DNAH8: variants seen among roughly 807,000 people sequenced by gnomAD.
DNAH8 encodes the protein axonemal beta dynein heavy chain 8.
DNAH8 carries 382 observed loss-of-function variants against 562.1 expected under a neutral mutation model. The ratio of observed to expected loss-of-function variants is 0.68; its 90% CI spans 0.63 to 0.74. The LOEUF (loss-of-function observed/expected upper bound fraction) is 0.74, where lower values mean the gene tolerates loss of function less well. Among genes scored for constraint, DNAH8 ranks in the 30% least tolerant of loss-of-function variants. The pLI is 0.00. For missense variants in DNAH8, 5,203 were observed against 5,620.4 expected, an observed-to-expected ratio of 0.93 and a Z score of 2.37; for synonymous variants, 1,881 against 1,919.4, an observed-to-expected ratio of 0.98 and a Z score of 0.52.
Position 38,886,039 on chromosome 6 carries a change from C to A in DNAH8, c.8260-752C>A, listed in dbSNP as rs140034394. ...CTTGTGTGATATGCACTAAGAGATGCTCAATAGAGACTTGAATATACAGGT... is the reference window on the plus strand; with the variant it reads ...CTTGTGTGATATGCACTAAGAGATGATCAATAGAGACTTGAATATACAGGT... On this transcript the variant is annotated intron_variant, in intron 56 of 92. Coordinates refer to ENST00000327475, the MANE Select transcript of DNAH8 (RefSeq NM_001206927.2). Among the ~76,000 whole-genome samples, 251 of 152,192 alleles carry A rather than the reference C, an allele frequency of 1.6e-3. 1 individual carries two copies. Among genetic ancestry groups the A allele is most frequent in the Admixed American group, 0.012 (183 of 15,296 alleles).
chr6:38,971,871 A>G, intron 83 of DNAH8: 1 of 391,434 alleles, frequency 2.6e-6, no homozygotes, highest in Non-Finnish European at 4.5e-6. Context: ...GCTCCATTTT[A>G]CCTTCACCAA....
intron 82 of DNAH8, among the ~76,000 whole-genome samples, chr6:38,956,362 A>T (rs1340328685): frequency 6.6e-6 from 1 of 152,172 alleles, no homozygotes; most frequent in Admixed American, 6.5e-5. Flanking sequence ...TTCAGCCATC[A>T]TCCTCCAGCA....
chr6:38,987,929 G>A (rs1025156796), intron 87 of DNAH8, among the ~76,000 whole-genome samples: 18 of 152,168 alleles, frequency 1.2e-4, no homozygotes, highest in African/African-American at 4.1e-4. Context: ...GAGAAAGGCT[G>A]CACAAAAGCC....
chr6:38,956,734 G>A (rs1762269477), intron 82 of DNAH8, among the ~76,000 whole-genome samples: 1 of 151,996 alleles, frequency 6.6e-6, no homozygotes, highest in Admixed American at 6.6e-5. Context: ...CAGATTTTTT[G>A]GTAAGCCTCA....
At chr6:38,987,040 G>C (rs1561946253) in intron 87 of DNAH8, among the ~76,000 whole-genome samples, 3 of 152,208 alleles carry the variant, frequency 2.0e-5, no homozygotes, top group Non-Finnish European at 4.4e-5. Flanking sequence ...ATAGAAGAAC[G>C]AATGCATGAA....
chr6:38,727,524 C>T (rs1285503627), intron 3 of DNAH8, among the ~76,000 whole-genome samples: 1 of 152,240 alleles, frequency 6.6e-6, no homozygotes, highest in African/African-American at 2.4e-5. Context: ...TGGCCCTAGT[C>T]ATTCTATTTC....
rs766173760 is a variant in DNAH8, at chr6:38,918,119, T to C, written c.10503T>C (p.Asn3501=). The change falls in exon 70 of 93, where the codon AAT becomes AAC. Residue 3501 remains asparagine (N), a synonymous_variant. Transcript: ENST00000327475. The part of the protein sequence containing the change: ...TLAMAIFYGI[N]REVLPLKANL... ...CTATGGCAATATTTTATGGCATCAA[T>C]AGAGAAGTGTTGCCTCTGAAGGTAA... 6 of 1,611,424 alleles carry C rather than the reference T, an allele frequency of 3.7e-6. No individual in the cohort carries two copies. Among genetic ancestry groups the C allele is most frequent in the African/African-American group, 1.3e-5 (1 of 74,776 alleles).
In DNAH8 at chr6:38,906,290, A is replaced by G; in HGVS notation, c.9231A>G (p.Lys3077=). The G allele has an allele frequency of 6.2e-7, 1 of 1,603,920 alleles. No homozygotes were observed. Among genetic ancestry groups the G allele is most frequent in the South Asian group, 1.1e-5 (1 of 90,172 alleles). ...YNVTNLTDDL[K]ALYKVAGADG... ...TGACTAATCTAACAGATGATTTAAAAGCTTTGTACAAAGTTGCTGGTGCTG... is the reference window on the plus strand; with the variant it reads ...TGACTAATCTAACAGATGATTTAAAGGCTTTGTACAAAGTTGCTGGTGCTG... The change falls in exon 63 of 93, where the codon AAA becomes AAG. Residue 3077 remains lysine, a synonymous_variant. Transcript: ENST00000327475.
chr6:38,752,166 C>T (rs1172653105), intron 9 of DNAH8, among the ~76,000 whole-genome samples: 1 of 151,146 alleles, frequency 6.6e-6, no homozygotes, highest in Non-Finnish European at 1.5e-5. Flanking sequence ...CCTTCCTCCC[C>T]CCACCCCACC....
At chr6:38,769,336 A>G (rs1380805973) in intron 11 of DNAH8, among the ~76,000 whole-genome samples, 3 of 152,182 alleles carry the variant, frequency 2.0e-5, no homozygotes, top group African/African-American at 7.2e-5. Flanking sequence ...CGTCATCTAC[A>G]TTAGGTATTT....
intron 88 of DNAH8, among the ~76,000 whole-genome samples, chr6:39,000,082 T>C (rs1014685661): frequency 3.3e-5 from 5 of 152,206 alleles, no homozygotes; most frequent in Non-Finnish European, 7.3e-5. Context: ...TGAGGTTTAA[T>C]AAAATGCAAG....
At chr6:39,008,607 G>A (rs1345985268) in intron 88 of DNAH8, among the ~76,000 whole-genome samples, 1 of 141,444 alleles carries the variant, frequency 7.1e-6, no homozygotes, top group Non-Finnish European at 1.6e-5. Context: ...TCATTTCAGT[G>A]ATGTTCTTGA....
chr6:38,919,269 T>C (rs113528323), intron 70 of DNAH8, among the ~76,000 whole-genome samples: 37 of 152,302 alleles, frequency 2.4e-4, no homozygotes, highest in African/African-American at 8.4e-4. Flanking sequence ...ATACTGTAAT[T>C]TGAGATTGTG....
chr6:38,894,904 G>T (rs943037070), intron 59 of DNAH8, 40 bp downstream of exon 59: 1 of 1,568,438 alleles, frequency 6.4e-7, no homozygotes, highest in South Asian at 1.2e-5. Context: ...TATGACCTGA[G>T]AAGTTTATAC....
chr6:38,786,991 T>A (rs751900436), intron 18 of DNAH8, 39 bp downstream of exon 18: 27 of 1,413,822 alleles, frequency 1.9e-5, no homozygotes, highest in Non-Finnish European at 2.6e-5. Flanking sequence ...TTTGAAGGAG[T>A]TTTTTGGTAA....
At chr6:38,859,442 C>T (rs1284628071) in intron 42 of DNAH8, among the ~76,000 whole-genome samples, 1 of 152,150 alleles carries the variant, frequency 6.6e-6, no homozygotes, top group Non-Finnish European at 1.5e-5. Context: ...AATATGGAGG[C>T]CTGGTCAGAT....
intron 41 of DNAH8, among the ~76,000 whole-genome samples, chr6:38,855,664 C>T (rs147159125): frequency 6.6e-5 from 10 of 152,226 alleles, no homozygotes; most frequent in South Asian, 2.1e-4. Flanking sequence ...TCCTCCTTCT[C>T]GCTATTTGAA....
intron 62 of DNAH8, among the ~76,000 whole-genome samples, chr6:38,904,441 G>A (rs1780292034): frequency 6.6e-6 from 1 of 152,174 alleles, no homozygotes; most frequent in African/African-American, 2.4e-5. Context: ...GAAGAGGCAA[G>A]ACAGAGAGGA....
chr6:38,950,206 G>GTC lies in DNAH8; in HGVS notation c.12248+637_12248+638insCT, dbSNP rs1178707439. 8.6e-5 allele frequency among the ~76,000 whole-genome samples: 13 copies of GTC among 151,634 alleles called. No homozygotes were observed. The South Asian group carries it at 1.7e-3, about 20-fold the overall frequency. On this transcript the variant is annotated intron_variant, in intron 81 of 92. Coordinates refer to ENST00000327475, the MANE Select transcript of DNAH8 (RefSeq NM_001206927.2). The stretch of plus-strand genomic sequence containing the variant: ...TGTGTCTGCGTGTGTGTGTGTGTGT[G>GTC]TGTGTGTGTGTGTGTTTGTATGGTG...
Sources: allele counts gnomAD v4.1 joint callset (sites outside exome capture counted in the v4.1 genomes callset), GRCh38; gene constraint gnomAD v4.1.1; transcripts MANE v1.5; gene names NCBI Gene and HGNC (gene_info 2026-07-23, HGNC 2026-07-21).